Variants in PLCB1 observed in about 807,000 individuals in gnomAD.
The protein encoded by PLCB1 is 1-phosphatidylinositol 4,5-bisphosphate phosphodiesterase beta-1.
PLCB1 carries 46 observed loss-of-function variants against 161.8 expected under a neutral mutation model. The ratio of observed to expected loss-of-function variants is 0.28; its 90% CI spans 0.22 to 0.36. The LOEUF (loss-of-function observed/expected upper bound fraction) is 0.36. PLCB1 is among the 10% of genes least tolerant of loss of function. PLCB1 has a pLI of 1.00. For synonymous variants in PLCB1, 517 were observed against 503.7 expected (o/e 1.03, Z -0.35); for missense variants, 1,016 against 1,472.5 (o/e 0.69, Z 5.07).
chr20:8,417,073 ATTTTTTTTTTTTTTT>A (rs3031852), intron 3 of PLCB1, among the ~76,000 whole-genome samples: 2 of 39,884 alleles, frequency 5.0e-5, no homozygotes, highest in African/African-American at 2.0e-4. Context: ...ATATATATAT[ATTTTTTTTTTTTTTT>A]TTTTTTTTTT....
intron 12 of PLCB1, among the ~76,000 whole-genome samples, chr20:8,713,177 G>T (rs539240468): frequency 6.6e-6 from 1 of 152,006 alleles, no homozygotes; most frequent in African/African-American, 2.4e-5. Context: ...TCTGAGGCAG[G>T]TTTTGTTTTT....
chr20:8,628,259 T>A (rs766243612), intron 3 of PLCB1, 35 bp from the exon 4 acceptor site: 16 of 1,539,162 alleles, frequency 1.0e-5, no homozygotes, highest in Admixed American at 6.7e-5. Context: ...GAATCTCTAG[T>A]TATAGACTAA....
At chr20:8,160,987 T>C (rs1340363183) in intron 2 of PLCB1, among the ~76,000 whole-genome samples, 3 of 152,166 alleles carry the variant, frequency 2.0e-5, no homozygotes, top group Admixed American at 6.5e-5. Flanking sequence ...TTCTCAAATC[T>C]AGCAAAGTAT....
Position 8,247,026 on chromosome 20 carries a change from A to C in PLCB1, c.177+96655A>C, listed in dbSNP as rs575109290. 3.9e-5 allele frequency among the ~76,000 whole-genome samples: 6 copies of C among 152,062 alleles called. No homozygotes were observed. The East Asian group carries it at 1.2e-3, about 30-fold the overall frequency. Reference sequence around the variant, plus strand: ...CTAGATAATCAAGGTATCAAAACTAATTCTTTAATACAGATGGCTTACAAT... The same window carrying C: ...CTAGATAATCAAGGTATCAAAACTACTTCTTTAATACAGATGGCTTACAAT... On this transcript the variant is annotated intron_variant, in intron 2 of 31. Transcript: ENST00000338037.
intron 23 of PLCB1, among the ~76,000 whole-genome samples, chr20:8,743,618 C>T (rs533054588): frequency 6.6e-6 from 1 of 152,124 alleles, no homozygotes; most frequent in African/African-American, 2.4e-5. Context: ...ATGTGCTCAA[C>T]ATGTGCTCAA....
intron 3 of PLCB1, among the ~76,000 whole-genome samples, chr20:8,522,336 G>A (rs775729828): frequency 6.6e-6 from 1 of 152,002 alleles, no homozygotes; most frequent in African/African-American, 2.4e-5. Flanking sequence ...CTGCTTCTAG[G>A]GGAAACCAAT....
At chr20:8,413,975 A>G (rs1317791887) in intron 3 of PLCB1, among the ~76,000 whole-genome samples, 1 of 152,206 alleles carries the variant, frequency 6.6e-6, no homozygotes, top group Non-Finnish European at 1.5e-5. Flanking sequence ...CCTGTTTATC[A>G]TATGGCCACT....
intron 9 of PLCB1, among the ~76,000 whole-genome samples, chr20:8,677,393 G>A (rs961165733): frequency 2.6e-5 from 4 of 152,070 alleles, no homozygotes; most frequent in Non-Finnish European, 5.9e-5. Context: ...CAACAAGAGC[G>A]AAACTCAGTC....
intron 9 of PLCB1, among the ~76,000 whole-genome samples, chr20:8,672,773 T>G (rs915956372): frequency 1.3e-5 from 2 of 152,154 alleles, no homozygotes; most frequent in Non-Finnish European, 2.9e-5. Context: ...GCTCAGAAAT[T>G]TCAGTTAAAT....
chr20:8,487,647 G>A (rs1159705546), intron 3 of PLCB1, among the ~76,000 whole-genome samples: 1 of 152,160 alleles, frequency 6.6e-6, no homozygotes, highest in Non-Finnish European at 1.5e-5. Context: ...CAGAGAGGGT[G>A]GGGATATGTG....
intron 2 of PLCB1, among the ~76,000 whole-genome samples, chr20:8,360,306 A>C (rs2122297009): frequency 6.6e-6 from 1 of 152,314 alleles, no homozygotes; most frequent in Non-Finnish European, 1.5e-5. Context: ...AATAAAGCTG[A>C]TAGACGCTGG....
At chr20:8,160,145 C>A (rs1277304333) in intron 2 of PLCB1, among the ~76,000 whole-genome samples, 1 of 152,166 alleles carries the variant, frequency 6.6e-6, no homozygotes, top group Non-Finnish European at 1.5e-5. Context: ...TGCTCCAGTT[C>A]CCAATGAGTT....
intron 2 of PLCB1, among the ~76,000 whole-genome samples, chr20:8,247,716 C>G (rs1027019803): frequency 6.6e-6 from 1 of 151,768 alleles, no homozygotes; most frequent in Non-Finnish European, 1.5e-5. Context: ...TATTTTTTTA[C>G]TCTCAAAAGC....
At chr20:8,863,986 A>G (rs1200572275) in intron 31 of PLCB1, among the ~76,000 whole-genome samples, 3 of 152,232 alleles carry the variant, frequency 2.0e-5, no homozygotes, top group Non-Finnish European at 2.9e-5. Flanking sequence ...GCACATGATT[A>G]TCTTTTCTTA....
At chr20:8,282,987 TCCTAA>T (rs1982946909) in intron 2 of PLCB1, among the ~76,000 whole-genome samples, 1 of 152,160 alleles carries the variant, frequency 6.6e-6, no homozygotes, top group Admixed American at 6.6e-5. Context: ...TGTTCAGGAC[TCCTAA>T]CCTGGACTCC....
chr20:8,456,451 T>A (rs936344319), intron 3 of PLCB1, among the ~76,000 whole-genome samples: 1 of 152,086 alleles, frequency 6.6e-6, no homozygotes, highest in African/African-American at 2.4e-5. Context: ...TTTTTGGGAA[T>A]TTTTTTTCTT....
intron 4 of PLCB1, among the ~76,000 whole-genome samples, chr20:8,642,959 GTTA>G (rs1253345225): frequency 6.6e-6 from 1 of 152,168 alleles, no homozygotes; most frequent in Non-Finnish European, 1.5e-5. Flanking sequence ...GAAACCAGTG[GTTA>G]TTATTCTTAG....
chr20:8,468,169 T>G (rs184700033), intron 3 of PLCB1, among the ~76,000 whole-genome samples: 1 of 152,294 alleles, frequency 6.6e-6, no homozygotes, highest in South Asian at 2.1e-4. Flanking sequence ...CTGGGAAATA[T>G]TGACTGGAAG....
intron 10 of PLCB1, among the ~76,000 whole-genome samples, chr20:8,685,968 G>A (rs910595107): frequency 6.6e-6 from 1 of 151,992 alleles, no homozygotes; most frequent in Non-Finnish European, 1.5e-5. Flanking sequence ...CATAAATTAA[G>A]TACCTAGAAT....
Sources: gnomAD v4.1 joint callset for allele counts (sites outside exome capture counted in the v4.1 genomes callset) on GRCh38, gnomAD v4.1.1 for gene constraint, MANE v1.5 for transcripts, NCBI Gene and HGNC (gene_info 2026-07-23, HGNC 2026-07-21) for gene names.